TTLL7: variants seen among roughly 807,000 people sequenced by gnomAD.
TTLL7 encodes the protein tubulin polyglutamylase TTLL7.
Under a neutral mutation model 120.2 loss-of-function variants are expected in TTLL7, and 53 were observed. The observed-to-expected ratio is 0.44, with a 90% CI of 0.35 to 0.55. TTLL7 has a LOEUF of 0.55. Among genes scored for constraint, TTLL7 ranks in the 20% least tolerant of loss-of-function variants. The probability of loss-of-function intolerance (pLI) is 0.00; values close to 1 mark genes in which losing one functional copy is unlikely to be tolerated. For synonymous variants in TTLL7, 353 were observed against 351.7 expected (o/e 1.00, Z -0.04); for missense variants, 803 against 1,054.7 (o/e 0.76, Z 3.31).
chr1:83,959,917 T>C (rs1194192182), intron 1 of TTLL7, among the ~76,000 whole-genome samples: 2 of 152,074 alleles, frequency 1.3e-5, no homozygotes, highest in African/African-American at 2.4e-5. Flanking sequence ...TACAAAATAA[T>C]ATATTTCTTA....
intron 19 of TTLL7, among the ~76,000 whole-genome samples, chr1:83,889,398 T>A (rs906678168): frequency 1.3e-5 from 2 of 152,012 alleles, no homozygotes; most frequent in African/African-American, 4.8e-5. Flanking sequence ...TATCAAATGA[T>A]TTGCTTTGTA....
At chr1:83,975,494 T>C (rs1651383981) in intron 1 of TTLL7, among the ~76,000 whole-genome samples, 1 of 152,054 alleles carries the variant, frequency 6.6e-6, no homozygotes, top group African/African-American at 2.4e-5. Flanking sequence ...TCTCAGAACC[T>C]TTGTAAACAG....
chr1:83,942,753 A>C, intron 6 of TTLL7, 74 bp from the exon 7 acceptor site: 1 of 1,090,944 alleles, frequency 9.2e-7, no homozygotes, highest in Non-Finnish European at 1.3e-6. Flanking sequence ...AGATATACTC[A>C]AATGGAAAAT....
At chr1:83,901,753 A>G (rs149496566) in intron 18 of TTLL7, among the ~76,000 whole-genome samples, 2 of 152,108 alleles carry the variant, frequency 1.3e-5, no homozygotes, top group African/African-American at 4.8e-5. Flanking sequence ...AATGTGCAAC[A>G]GTGAGTTCAG....
chr1:83,958,648 A>G (rs942067462), intron 1 of TTLL7, among the ~76,000 whole-genome samples: 3 of 152,234 alleles, frequency 2.0e-5, no homozygotes, highest in African/African-American at 7.2e-5. Context: ...AATTTGATAT[A>G]TGCTTTCTCT....
At chr1:83,881,582 GAAAT>G (rs1271766455) in intron 20 of TTLL7, among the ~76,000 whole-genome samples, 2 of 152,104 alleles carry the variant, frequency 1.3e-5, no homozygotes, top group Non-Finnish European at 2.9e-5. Context: ...AAAAAGTCAG[GAAAT>G]AACAGGTGCT....
chr1:83,991,461 T>C (rs1222293567), intron 1 of TTLL7, among the ~76,000 whole-genome samples: 8 of 151,980 alleles, frequency 5.3e-5, no homozygotes, highest in Non-Finnish European at 2.9e-5. Context: ...GCTTGGGCAA[T>C]ATGGCAAAAC....
At chr1:83,978,748 T>C (rs1290243399) in intron 1 of TTLL7, among the ~76,000 whole-genome samples, 2 of 152,150 alleles carry the variant, frequency 1.3e-5, no homozygotes, top group Non-Finnish European at 2.9e-5. Context: ...TAGCAGAGCA[T>C]ATAGTTAAAA....
intron 20 of TTLL7, among the ~76,000 whole-genome samples, chr1:83,879,556 T>C (rs1045856294): frequency 1.3e-5 from 2 of 151,974 alleles, no homozygotes; most frequent in African/African-American, 4.8e-5. Flanking sequence ...TTTGACTGGA[T>C]GGATAAGTTG....
At chr1:83,900,906 T>G (rs1656665243) in intron 18 of TTLL7, among the ~76,000 whole-genome samples, 1 of 152,072 alleles carries the variant, frequency 6.6e-6, no homozygotes, top group Non-Finnish European at 1.5e-5. Flanking sequence ...TAATTTTTGC[T>G]CATATGATGT....
Position 83,869,971 on chromosome 1 carries a change from G to A in TTLL7, c.2655C>T (p.Gly885=). 2 of 1,592,740 alleles carry A rather than the reference G, an allele frequency of 1.3e-6. No homozygotes were observed. Among genetic ancestry groups the A allele is most frequent in the Non-Finnish European group, 1.7e-6 (2 of 1,173,266 alleles). Residue 885 remains glycine (G), a synonymous_variant, in exon 21 of 21, where the codon GGC becomes GGT. Coordinates refer to ENST00000260505, the MANE Select transcript of TTLL7 (RefSeq NM_024686.6). ...GATCTTCCCTTCTGTTTCACAGATG[G>A]CCATATCTGGATGTAAACAAAACAT... The part of the protein sequence containing the change: ...RSNVLFTSRY[G]HL
chr1:83,877,742 G>A (rs911855888), intron 20 of TTLL7, among the ~76,000 whole-genome samples: 7 of 151,526 alleles, frequency 4.6e-5, no homozygotes, highest in South Asian at 2.1e-4. Context: ...AGTCTCACCC[G>A]GTATTTACCA....
intron 1 of TTLL7, among the ~76,000 whole-genome samples, chr1:83,959,769 A>T (rs1257324314): frequency 6.6e-6 from 1 of 152,176 alleles, no homozygotes; most frequent in African/African-American, 2.4e-5. Flanking sequence ...ATCAACACCA[A>T]CAAGGGAGTG....
chr1:83,887,155 A>G, intron 19 of TTLL7: 3 of 892,710 alleles, frequency 3.4e-6, no homozygotes, highest in Non-Finnish European at 4.3e-6. Flanking sequence ...TTCTGGAGGT[A>G]GACAGGGGAT....
At chr1:83,970,506 G>T (rs1451003204) in intron 1 of TTLL7, among the ~76,000 whole-genome samples, 1 of 152,098 alleles carries the variant, frequency 6.6e-6, no homozygotes, top group African/African-American at 2.4e-5. Flanking sequence ...TTCCTAATCA[G>T]TGTGGAAGCA....
intron 1 of TTLL7, among the ~76,000 whole-genome samples, chr1:83,971,985 A>C (rs1038012035): frequency 3.3e-5 from 5 of 150,280 alleles, no homozygotes. Context: ...TCACAGAAAA[A>C]TTAAGAGGAA....
chr1:83,872,365 G>A (rs1335810265), intron 20 of TTLL7, among the ~76,000 whole-genome samples: 1 of 152,122 alleles, frequency 6.6e-6, no homozygotes, highest in Non-Finnish European at 1.5e-5. Flanking sequence ...AGATCACTCG[G>A]TTACTTTATA....
At chr1:83,900,304 G>A (rs1292632664) in intron 18 of TTLL7, 1 of 249,608 alleles carries the variant, frequency 4.0e-6, no homozygotes, top group Non-Finnish European at 8.0e-6. Flanking sequence ...GCCTCCTGCA[G>A]TTAACTACAA....
intron 1 of TTLL7, among the ~76,000 whole-genome samples, chr1:83,978,948 A>G (rs770638756): frequency 6.6e-6 from 1 of 152,192 alleles, no homozygotes; most frequent in Non-Finnish European, 1.5e-5. Flanking sequence ...TAAAAGCCTG[A>G]AAAGCTTATG....
Sources: gnomAD v4.1 joint callset for allele counts (sites outside exome capture counted in the v4.1 genomes callset) on GRCh38, gnomAD v4.1.1 for gene constraint, MANE v1.5 for transcripts, NCBI Gene and HGNC (gene_info 2026-07-23, HGNC 2026-07-21) for gene names.